The following ENTPD5 variants were observed in gnomAD, a reference collection of about 807,000 sequenced individuals.
The protein encoded by ENTPD5 is nucleoside diphosphate phosphatase ENTPD5.
A neutral mutation model predicts 60.2 loss-of-function variants in ENTPD5; 49 were observed. That is an observed-to-expected ratio of 0.81 (90% confidence interval 0.65 to 1.03). ENTPD5 has a LOEUF of 1.03. Among genes scored for constraint, ENTPD5 ranks in the 50% least tolerant of loss-of-function variants. The pLI is 0.00. For missense variants in ENTPD5, 480 were observed against 507.6 expected (o/e 0.95, Z 0.52); for synonymous variants, 187 against 185.4 (o/e 1.01, Z -0.07).
chr14:73,987,918 A>G lies in ENTPD5; in HGVS notation c.185T>C (p.Ile62Thr). The G allele has an allele frequency of 1.9e-6, 3 of 1,614,224 alleles. No homozygotes were observed. The highest frequency in any genetic ancestry group is 2.5e-6 in the Non-Finnish European group (3 of 1,180,036). The part of the protein sequence containing the change: ...MFDAGSTGTR[I>T]HVYTFVQKMP... ...TTTCTGCACAAAGGTGTAAACATGAATTCGAGTTCCAGTGCTCCCTGCATC... is the reference window on the plus strand; with the variant it reads ...TTTCTGCACAAAGGTGTAAACATGAGTTCGAGTTCCAGTGCTCCCTGCATC... The change falls in exon 4 of 16, where the codon ATT (isoleucine) becomes ACT (threonine). Residue 62 changes from isoleucine to threonine, a missense_variant. Physicochemically the swap from Ile to Thr is moderately conservative, Grantham distance 89 (BLOSUM62 -1). Coordinates refer to ENST00000334696, the MANE Select transcript of ENTPD5 (RefSeq NM_001249.5).
downstream of ENTPD5, chr14:73,961,493 G>C (rs921622387): frequency 8.7e-6 from 14 of 1,614,074 alleles, no homozygotes; most frequent in Non-Finnish European, 8.5e-6. Flanking sequence ...GCAGGACAGG[G>C]TGTCAACATG....
intron 11 of ENTPD5, 102 bp from the exon 12 acceptor site, chr14:73,974,080 G>A: frequency 1.1e-6 from 1 of 891,468 alleles, no homozygotes. Flanking sequence ...CATGGGGGCT[G>A]GGCCTTAAAA....
rs973250444 is a variant in ENTPD5 at position 73,998,497 on chromosome 14, T to G, written c.-70-10325A>C. On this transcript the variant is annotated intron_variant, in intron 3 of 15. Coordinates refer to ENST00000334696, the MANE Select transcript of ENTPD5 (RefSeq NM_001249.5). The stretch of plus-strand genomic sequence containing the variant: ...TGACAGCCATTCCAGAAATTAGCAA[T>G]TTCTTACTGCTGCTTACAAGTACAG... 5.3e-4 allele frequency among the ~76,000 whole-genome samples: 81 copies of G among 152,118 alleles called. 1 individual carries two copies. Among genetic ancestry groups the G allele is most frequent in the Non-Finnish European group, 1.5e-5 (1 of 68,038 alleles).
chr14:73,968,959 T>C (rs1373679923), intron 15 of ENTPD5, among the ~76,000 whole-genome samples: 3 of 152,188 alleles, frequency 2.0e-5, no homozygotes, highest in African/African-American at 7.2e-5. Context: ...GCATTAAATA[T>C]ACGAGGCACA....
intron 5 of ENTPD5, among the ~76,000 whole-genome samples, chr14:73,985,101 A>G (rs2057847376): frequency 6.6e-6 from 1 of 152,154 alleles, no homozygotes; most frequent in Non-Finnish European, 1.5e-5. Flanking sequence ...ATAGTATTCC[A>G]TGGTGTATAT....
chr14:73,986,889 C>T lies in ENTPD5; in HGVS notation c.222G>A (p.Gln74=). 6.2e-7 allele frequency: 1 copy of T among 1,613,708 alleles called. No homozygotes were observed. The highest frequency in any genetic ancestry group is 1.1e-5 in the South Asian group (1 of 91,074). The part of the protein sequence containing the change: ...VYTFVQKMPG[Q]LPILEGEVFD... Reference sequence around the variant, plus strand: ...AAACTTCCCCTTCTAGAATTGGAAGCTGTCCTATTTTGTCCATGGAACAAA... The same window carrying T: ...AAACTTCCCCTTCTAGAATTGGAAGTTGTCCTATTTTGTCCATGGAACAAA... The change falls in exon 5 of 16, where the codon CAG becomes CAA. Residue 74 remains glutamine, a synonymous_variant. Transcript: ENST00000334696.
chr14:73,997,205 T>C (rs926293544), intron 3 of ENTPD5, among the ~76,000 whole-genome samples: 3 of 151,966 alleles, frequency 2.0e-5, no homozygotes, highest in Non-Finnish European at 4.4e-5. Context: ...AATATAGAGG[T>C]GTACCAGAAT....
chr14:74,006,726 A>G (rs1191255806), intron 3 of ENTPD5, among the ~76,000 whole-genome samples: 2 of 151,212 alleles, frequency 1.3e-5, no homozygotes, highest in African/African-American at 2.4e-5. Context: ...GCTAGACTAC[A>G]GGAATGAGCC....
chr14:73,956,156 C>T, downstream of ENTPD5: 1 of 451,762 alleles, frequency 2.2e-6, no homozygotes, highest in Admixed American at 3.3e-5. Context: ...AACCCTGTCT[C>T]TACTAAAAAT....
intron 3 of ENTPD5, among the ~76,000 whole-genome samples, chr14:74,002,229 G>C (rs2058533802): frequency 6.6e-6 from 1 of 152,114 alleles, no homozygotes; most frequent in Admixed American, 6.6e-5. Flanking sequence ...ATCAAACCCA[G>C]ATGGTTTAAT....
rs565570458 is a variant in ENTPD5, at chr14:73,989,068, C to T, written c.-70-896G>A. The stretch of plus-strand genomic sequence containing the variant: ...CGAACTCCTGACCTCGTGATCCACC[C>T]GCCTCGGCCTCCCAAAGTGCTGGGA... On this transcript the variant is annotated intron_variant, in intron 3 of 15. Coordinates refer to ENST00000334696, the MANE Select transcript of ENTPD5 (RefSeq NM_001249.5). Among the ~76,000 whole-genome samples the T allele has an allele frequency of 5.3e-5, 8 of 151,886 alleles. No individual in the cohort carries two copies. In the East Asian group the frequency reaches 5.9e-4, roughly 11 times the overall value.
At chr14:73,994,730 CA>C (rs752400357) in intron 3 of ENTPD5, among the ~76,000 whole-genome samples, 1,325 of 123,198 alleles carry the variant, frequency 0.011, 15 homozygotes, top group African/African-American at 0.034. Context: ...GACTCCATCT[CA>C]AAAAAAAAAA....
downstream of ENTPD5, chr14:73,960,706 C>T (rs1594811136): frequency 1.7e-6 from 1 of 578,818 alleles, no homozygotes; most frequent in East Asian, 7.9e-5. Context: ...AATCTCCGTA[C>T]AGTGATAGAA....
At chr14:74,006,467 C>G (rs113079832) in intron 3 of ENTPD5, among the ~76,000 whole-genome samples, 68 of 151,696 alleles carry the variant, frequency 4.5e-4, no homozygotes, top group African/African-American at 1.5e-3. Flanking sequence ...GTATTTTTAG[C>G]AGAGACGGGG....
At chr14:73,982,450 A>G (rs866323697) in intron 6 of ENTPD5, among the ~76,000 whole-genome samples, 2 of 152,240 alleles carry the variant, frequency 1.3e-5, no homozygotes, top group South Asian at 4.1e-4. Context: ...TTCTGCTTTA[A>G]AAATCTAAAA....
chr14:74,003,928 TA>T (rs1210697877), intron 3 of ENTPD5, among the ~76,000 whole-genome samples: 4 of 150,996 alleles, frequency 2.6e-5, no homozygotes, highest in South Asian at 4.2e-4. Context: ...AAAACCCTAT[TA>T]AAAAAAATTT....
intron 2 of ENTPD5, among the ~76,000 whole-genome samples, chr14:74,013,467 T>A (rs964354468): frequency 6.6e-6 from 1 of 152,110 alleles, no homozygotes; most frequent in Non-Finnish European, 1.5e-5. Flanking sequence ...TTGTAAACTT[T>A]CTTAAAATAT....
rs563008993 is a variant in ENTPD5 at position 74,002,986 on chromosome 14, T to A, written c.-71+8105A>T. ...GCCTTAGGGCCTTCGCTCTAAGCTG[T>A]CCCCACTGCCTAGAAATTCTTTTCC... On this transcript the variant is annotated intron_variant, in intron 3 of 15. Transcript: ENST00000334696. Among the ~76,000 whole-genome samples the A allele has an allele frequency of 3.3e-5, 5 of 152,296 alleles. No homozygotes were observed. In the South Asian group the frequency reaches 8.3e-4, roughly 25 times the overall value.
intron 3 of ENTPD5, among the ~76,000 whole-genome samples, chr14:74,005,848 GAAC>G (rs756069434): frequency 6.6e-6 from 1 of 151,926 alleles, no homozygotes; most frequent in Non-Finnish European, 1.5e-5. Context: ...CAAACAAAAT[GAAC>G]AACAATGCTG....
Sources: gnomAD v4.1 joint callset for allele counts (sites outside exome capture counted in the v4.1 genomes callset) on GRCh38, gnomAD v4.1.1 for gene constraint, MANE v1.5 for transcripts, NCBI Gene and HGNC (gene_info 2026-07-23, HGNC 2026-07-21) for gene names.